The following MPP7 variants were observed in gnomAD, a reference collection of about 807,000 sequenced individuals.
MPP7 encodes the protein MAGUK p55 subfamily member 7.
Under a neutral mutation model 76.5 loss-of-function variants are expected in MPP7, and 60 were observed. The ratio of observed to expected loss-of-function variants is 0.78; its 90% confidence interval spans 0.64 to 0.97. MPP7 has a LOEUF of 0.97. Among genes scored for constraint, MPP7 ranks in the 50% least tolerant of loss-of-function variants. The pLI is 0.00. For missense variants in MPP7, 641 were observed against 694.0 expected (o/e 0.92, Z 0.86); for synonymous variants, 237 against 244.5 (o/e 0.97, Z 0.29).
At chr10:28,251,188 G>A (rs1021472731) in intron 1 of MPP7, among the ~76,000 whole-genome samples, 1 of 152,112 alleles carries the variant, frequency 6.6e-6, no homozygotes, top group African/African-American at 2.4e-5. Flanking sequence ...ATTCTGGTTG[G>A]GCACAGCGGC....
chr10:28,305,253 G>A (rs1841245647), upstream of MPP7: 2 of 152,214 alleles, frequency 1.3e-5, no homozygotes, highest in Non-Finnish European at 2.9e-5. Context: ...TGGTGCATAA[G>A]GAGAGTGCTA....
chr10:28,107,682 C>T (rs1386305544), intron 11 of MPP7, among the ~76,000 whole-genome samples: 3 of 152,130 alleles, frequency 2.0e-5, no homozygotes, highest in Non-Finnish European at 2.9e-5. Flanking sequence ...GCTAGCTTTG[C>T]GAAAGGTGAA....
chr10:28,286,138 T>A (rs1057020768), intron 1 of MPP7, among the ~76,000 whole-genome samples: 6 of 151,728 alleles, frequency 4.0e-5, no homozygotes, highest in Admixed American at 3.3e-4. Flanking sequence ...AGGTCAGGAG[T>A]TCGAGACCAT....
At chr10:28,275,215 C>T (rs1242622183) in intron 1 of MPP7, among the ~76,000 whole-genome samples, 1 of 152,130 alleles carries the variant, frequency 6.6e-6, no homozygotes, top group South Asian at 2.1e-4. Context: ...TCAAACACAA[C>T]ATGTTTGAAA....
chr10:28,125,187 A>G (rs1834979262), intron 6 of MPP7, 96 bp from the exon 7 acceptor site: 2 of 1,068,880 alleles, frequency 1.9e-6, no homozygotes, highest in East Asian at 4.9e-5. Context: ...AAAAGAGAAA[A>G]CAACTACAAA....
At chr10:28,278,252 T>C (rs1260767174) in intron 1 of MPP7, among the ~76,000 whole-genome samples, 1 of 152,084 alleles carries the variant, frequency 6.6e-6, no homozygotes, top group Non-Finnish European at 1.5e-5. Flanking sequence ...AAAAACTCCC[T>C]GCCACCTACT....
At chr10:28,171,097 G>C (rs1017475399) in intron 3 of MPP7, among the ~76,000 whole-genome samples, 1 of 152,114 alleles carries the variant, frequency 6.6e-6, no homozygotes, top group Non-Finnish European at 1.5e-5. Context: ...AAATTAATAA[G>C]TGTCTATTAG....
At chr10:28,187,069 C>T (rs1359944266) in intron 3 of MPP7, among the ~76,000 whole-genome samples, 4 of 152,094 alleles carry the variant, frequency 2.6e-5, no homozygotes, top group Admixed American at 6.6e-5. Context: ...CTTCCTATTA[C>T]GAAATTATGA....
intron 5 of MPP7, among the ~76,000 whole-genome samples, chr10:28,134,928 C>T (rs1327911976): frequency 6.6e-6 from 1 of 152,012 alleles, no homozygotes; most frequent in Non-Finnish European, 1.5e-5. Flanking sequence ...ATTGTGTACC[C>T]AGCAAAAGTA....
At chr10:28,213,133 G>T (rs1333720120) in intron 2 of MPP7, among the ~76,000 whole-genome samples, 1 of 151,972 alleles carries the variant, frequency 6.6e-6, no homozygotes, top group East Asian at 1.9e-4. Flanking sequence ...TAGTGACAGG[G>T]TCTCGATGTT....
At chr10:28,268,154 A>C (rs1241105025) in intron 1 of MPP7, among the ~76,000 whole-genome samples, 1 of 147,970 alleles carries the variant, frequency 6.8e-6, no homozygotes, top group Admixed American at 6.7e-5. Flanking sequence ...TAGAAGGTGA[A>C]GTTTCTCTAA....
At chr10:28,149,143 A>G (rs1321086558) in intron 4 of MPP7, among the ~76,000 whole-genome samples, 3 of 152,226 alleles carry the variant, frequency 2.0e-5, no homozygotes, top group Non-Finnish European at 4.4e-5. Context: ...ACTTCTCAAG[A>G]TGGCCAATTT....
intron 2 of MPP7, among the ~76,000 whole-genome samples, chr10:28,323,817 C>T (rs1469852413): frequency 1.3e-5 from 2 of 152,180 alleles, no homozygotes; most frequent in Non-Finnish European, 2.9e-5. Flanking sequence ...TGCCGGGTGA[C>T]TGAATATGGC....
At chr10:28,233,217 T>C (rs1838948008) in intron 2 of MPP7, among the ~76,000 whole-genome samples, 1 of 152,138 alleles carries the variant, frequency 6.6e-6, no homozygotes, top group Admixed American at 6.5e-5. Context: ...GGTTTTCCAC[T>C]GTTGGAGGGG....
intron 2 of MPP7, among the ~76,000 whole-genome samples, chr10:28,329,625 C>T (rs372236183): frequency 2.7e-3 from 233 of 85,362 alleles, no homozygotes; most frequent in African/African-American, 0.012. Context: ...AGCGAGACTC[C>T]GTCTCAAAAA....
At chr10:28,279,432 C>G (rs1004885699) in intron 1 of MPP7, among the ~76,000 whole-genome samples, 4 of 151,984 alleles carry the variant, frequency 2.6e-5, no homozygotes, top group Admixed American at 6.6e-5. Context: ...GCACAGCATG[C>G]TCTTTAAGAA....
chr10:28,129,349 A>T (rs1835120125), intron 6 of MPP7, among the ~76,000 whole-genome samples: 1 of 152,200 alleles, frequency 6.6e-6, no homozygotes, highest in African/African-American at 2.4e-5. Context: ...TTTTGTTTTA[A>T]AAACAGAGTA....
chr10:28,149,681 T>A (rs1835815070), intron 4 of MPP7, among the ~76,000 whole-genome samples: 1 of 151,790 alleles, frequency 6.6e-6, no homozygotes, highest in South Asian at 2.1e-4. Context: ...TGTGACTTTC[T>A]CAGAACACCA....
chr10:28,259,510 G>A (rs1241729641), intron 1 of MPP7, among the ~76,000 whole-genome samples: 1 of 150,544 alleles, frequency 6.6e-6, no homozygotes, highest in African/African-American at 2.4e-5. Flanking sequence ...AGCCCAGGAG[G>A]TGGGACTGAA....
Sources: gnomAD v4.1 joint callset for allele counts (sites outside exome capture counted in the v4.1 genomes callset) on GRCh38, gnomAD v4.1.1 for gene constraint, MANE v1.5 for transcripts, NCBI Gene and HGNC (gene_info 2026-07-23, HGNC 2026-07-21) for gene names.